CREM: variants seen among roughly 807,000 people sequenced by gnomAD.
CREM encodes the protein cAMP-responsive element modulator.
In CREM, 13 loss-of-function variants were observed where a neutral mutation model predicts 37.3. That is an observed-to-expected ratio of 0.35 (90% CI 0.23 to 0.55). The LOEUF is 0.55. Among genes scored for constraint, CREM ranks in the 20% least tolerant of loss-of-function variants. The pLI is 0.88. For missense variants in CREM, 296 were observed against 362.3 expected (o/e 0.82, Z 1.49); for synonymous variants, 124 against 120.2 (o/e 1.03, Z -0.21).
intron 3 of CREM, among the ~76,000 whole-genome samples, chr10:35,175,250 A>C (rs773822750): frequency 2.0e-5 from 3 of 148,906 alleles, no homozygotes; most frequent in Non-Finnish European, 4.4e-5. Flanking sequence ...GATCGAGACC[A>C]TCCTGGCTAA....
intron 5 of CREM, among the ~76,000 whole-genome samples, chr10:35,184,417 G>A (rs549092528): frequency 7.2e-5 from 11 of 152,228 alleles, no homozygotes; most frequent in African/African-American, 2.6e-4. Flanking sequence ...ACAGGCCCAC[G>A]TAAAACCTAT....
intron 2 of CREM, among the ~76,000 whole-genome samples, chr10:35,147,041 GTT>G (rs755346866): frequency 5.0e-5 from 6 of 120,986 alleles, no homozygotes; most frequent in African/African-American, 1.9e-4. Flanking sequence ...AGTTTTTTGG[GTT>G]TTTTTTTTTT....
chr10:35,137,376 A>G (rs1233043574), intron 1 of CREM, among the ~76,000 whole-genome samples: 2 of 152,174 alleles, frequency 1.3e-5, no homozygotes. Context: ...AGGAAATAAT[A>G]AATTCATTAA....
chr10:35,167,766 T>C, intron 3 of CREM: 2 of 1,614,164 alleles, frequency 1.2e-6, no homozygotes, highest in Non-Finnish European at 1.7e-6. Context: ...AGGCGTCCTA[T>C]AGAAGAGGAT....
chr10:35,137,593 G>A (rs2090762068), intron 1 of CREM, among the ~76,000 whole-genome samples, 189 bp from the exon 2 acceptor site: 2 of 152,000 alleles, frequency 1.3e-5, no homozygotes, highest in Non-Finnish European at 2.9e-5. Context: ...GTACAGGGCT[G>A]TTTTTAGCTT....
intron 5 of CREM, among the ~76,000 whole-genome samples, chr10:35,181,822 A>G (rs1055145809): frequency 6.6e-6 from 1 of 152,186 alleles, no homozygotes. Context: ...GCAGTGAGTT[A>G]TGATTGCACC....
chr10:35,133,096 G>A (rs2089747239), intron 1 of CREM, among the ~76,000 whole-genome samples: 2 of 151,996 alleles, frequency 1.3e-5, no homozygotes, highest in Non-Finnish European at 2.9e-5. Flanking sequence ...TATGCTAGTT[G>A]CAGTGCTTTC....
intron 3 of CREM, among the ~76,000 whole-genome samples, chr10:35,157,499 G>A (rs1331751985): frequency 6.6e-6 from 1 of 152,036 alleles, no homozygotes. Context: ...GCCGGGCATG[G>A]TGGCACACAC....
rs1476504889 is a variant in CREM at position 35,187,066 on chromosome 10, TAATATAATAATA to T, written c.410-1133_410-1122del. Among the ~76,000 whole-genome samples the T allele has an allele frequency of 1.5e-4, 11 of 71,116 alleles. 1 individual carries two copies. The highest frequency in any genetic ancestry group is 6.0e-4 in the African/African-American group (11 of 18,250). The allele number at this position is 71,116 out of a possible 152,430, so 46.7% of individuals were successfully genotyped here. A position where few individuals can be genotyped will look rare whatever the true frequency, so the allele number is the denominator to read the frequency against. ...ATTATATATAATTAATATATATAATTAATATAATAATATATATAATATATAATATATATGATA... is the reference window on the plus strand; with the variant it reads ...ATTATATATAATTAATATATATAATTTATATAATATATAATATATATGATA... On this transcript the variant is annotated intron_variant, in intron 5 of 7. Coordinates refer to ENST00000685392, the MANE Select transcript of CREM (RefSeq NM_183011.2).
chr10:35,152,371 A>T (rs1184420753), intron 3 of CREM: 1 of 152,190 alleles, frequency 6.6e-6, no homozygotes, highest in Non-Finnish European at 1.5e-5. Context: ...TGTTCTGCTG[A>T]TGGATTGAGG....
chr10:35,192,299 T>C (rs558554507), intron 6 of CREM, among the ~76,000 whole-genome samples: 8 of 152,346 alleles, frequency 5.3e-5, no homozygotes, highest in Admixed American at 4.6e-4. Flanking sequence ...AAAACAGCAG[T>C]TTCTTGCCCC....
chr10:35,140,786 A>G (rs1442581694), intron 2 of CREM, among the ~76,000 whole-genome samples: 1 of 152,232 alleles, frequency 6.6e-6, no homozygotes, highest in East Asian at 1.9e-4. Flanking sequence ...CAGTTGGACA[A>G]AGAAGGGTAA....
intron 6 of CREM, among the ~76,000 whole-genome samples, chr10:35,204,726 T>C (rs2095480165): frequency 1.3e-5 from 2 of 152,238 alleles, no homozygotes; most frequent in African/African-American, 2.4e-5. Context: ...TAAGTGAGCT[T>C]CCTTGAAAGC....
intron 3 of CREM, among the ~76,000 whole-genome samples, chr10:35,162,437 A>G (rs2093344549): frequency 6.6e-6 from 1 of 152,254 alleles, no homozygotes; most frequent in Admixed American, 6.5e-5. Flanking sequence ...CCACAAAAAC[A>G]ACTATGTGAG....
intron 3 of CREM, among the ~76,000 whole-genome samples, chr10:35,177,247 C>A (rs1033629807): frequency 4.6e-5 from 7 of 152,104 alleles, no homozygotes; most frequent in African/African-American, 1.7e-4. Context: ...TGGGTATTTT[C>A]TCCTGTGTTT....
chr10:35,136,520 C>G (rs1339273736), intron 1 of CREM, among the ~76,000 whole-genome samples: 1 of 152,198 alleles, frequency 6.6e-6, no homozygotes, highest in Non-Finnish European at 1.5e-5. Context: ...TTCAAATGCC[C>G]TACTGTCTCT....
At chr10:35,187,180 T>C (rs1378241922) in intron 5 of CREM, among the ~76,000 whole-genome samples, 1 of 44,492 alleles carries the variant, frequency 2.2e-5, no homozygotes, top group Non-Finnish European at 4.4e-5. Context: ...TTAATATTAA[T>C]ATATAAATAT....
At chr10:35,133,117 A>C (rs1469988251) in intron 1 of CREM, among the ~76,000 whole-genome samples, 1 of 151,690 alleles carries the variant, frequency 6.6e-6, no homozygotes, top group Non-Finnish European at 1.5e-5. Context: ...AGGTTTTCTT[A>C]TTCTTTTTCT....
chr10:35,175,262 G>GCAC (rs2093999068), intron 3 of CREM, among the ~76,000 whole-genome samples: 2 of 130,778 alleles, frequency 1.5e-5, no homozygotes, highest in Admixed American at 7.0e-5. Context: ...CCTGGCTAAT[G>GCAC]GGTGAAACCC....
Sources: gnomAD v4.1 joint callset for allele counts (sites outside exome capture counted in the v4.1 genomes callset) on GRCh38, gnomAD v4.1.1 for gene constraint, MANE v1.5 for transcripts, NCBI Gene and HGNC (gene_info 2026-07-23, HGNC 2026-07-21) for gene names.